The following SCP2 variants were observed in gnomAD, a reference collection of about 807,000 sequenced individuals.
SCP2 encodes the protein SCP-2/3-oxoacyl-CoA thiolase.
In SCP2, 48 loss-of-function variants were observed where a neutral mutation model predicts 71.4. That is an observed-to-expected ratio of 0.67 (90% CI 0.53 to 0.86). SCP2 has a LOEUF of 0.86. SCP2 is among the 40% of genes least tolerant of loss of function. The probability of loss-of-function intolerance (pLI) is 0.00; values close to 1 mark genes in which losing one functional copy is unlikely to be tolerated. For synonymous variants in SCP2, 220 were observed against 218.1 expected (o/e 1.01, Z -0.08); for missense variants, 560 against 655.6 (o/e 0.85, Z 1.59).
chr1:52,987,846 A>G (rs1000867148), intron 10 of SCP2, among the ~76,000 whole-genome samples, 183 bp from the exon 11 acceptor site: 23 of 152,280 alleles, frequency 1.5e-4, no homozygotes, highest in Middle Eastern at 6.8e-3. Context: ...TTCATACAGG[A>G]AATGTTCTGA....
chr1:52,948,794 A>T (rs1412550495), intron 3 of SCP2, among the ~76,000 whole-genome samples: 1 of 152,144 alleles, frequency 6.6e-6, no homozygotes, highest in Non-Finnish European at 1.5e-5. Context: ...AAGATGATTT[A>T]TGTATATATT....
At chr1:53,039,074 G>A (rs1663230730) in intron 14 of SCP2, 28 bp downstream of exon 14, 1 of 1,613,706 alleles carries the variant, frequency 6.2e-7, no homozygotes, top group Non-Finnish European at 8.5e-7. Flanking sequence ...TTCATTCTAG[G>A]AGCACTGACG....
intron 2 of SCP2, among the ~76,000 whole-genome samples, chr1:52,943,348 G>A (rs563057509): frequency 6.6e-6 from 1 of 151,806 alleles, no homozygotes; most frequent in African/African-American, 2.4e-5. Flanking sequence ...TCAGCCTCCT[G>A]AGTAGCTGGG....
chr1:53,018,525 T>C (rs1661498207), intron 12 of SCP2, among the ~76,000 whole-genome samples: 1 of 152,076 alleles, frequency 6.6e-6, no homozygotes, highest in Non-Finnish European at 1.5e-5. Context: ...GTGGATGGCT[T>C]GCGGTCAGGA....
chr1:52,995,982 GA>G, intron 11 of SCP2: 2 of 1,408,430 alleles, frequency 1.4e-6, no homozygotes, highest in Non-Finnish European at 1.9e-6. Context: ...TGCCACCACA[GA>G]AGAGGAGGAG....
intron 5 of SCP2, among the ~76,000 whole-genome samples, chr1:52,956,798 G>C (rs551396073): frequency 1.3e-5 from 2 of 151,672 alleles, no homozygotes; most frequent in Admixed American, 1.3e-4. Flanking sequence ...ACATATGCTG[G>C]TAACTTTTAT....
At chr1:53,044,175 A>T (rs1663628633) in intron 14 of SCP2, among the ~76,000 whole-genome samples, 1 of 151,890 alleles carries the variant, frequency 6.6e-6, no homozygotes, top group Non-Finnish European at 1.5e-5. Flanking sequence ...CTCCTGCCTC[A>T]GCCTGCCGAG....
chr1:52,987,136 C>T (rs72901316), intron 10 of SCP2, among the ~76,000 whole-genome samples: 46,827 of 151,244 alleles, frequency 0.31, 11,948 homozygotes, highest in African/African-American at 0.7. Flanking sequence ...GTCTCGAACT[C>T]CTGACCTCAG....
At chr1:52,972,915 G>C (rs1657619123) in intron 6 of SCP2, among the ~76,000 whole-genome samples, 1 of 152,206 alleles carries the variant, frequency 6.6e-6, no homozygotes, top group Non-Finnish European at 1.5e-5. Context: ...CACTGAGCTT[G>C]AGGTTTCTCA....
At chr1:52,978,830 G>T (rs1185198784) in intron 9 of SCP2, among the ~76,000 whole-genome samples, 2 of 152,164 alleles carry the variant, frequency 1.3e-5, no homozygotes, top group East Asian at 3.9e-4. Flanking sequence ...CCAAAATGCT[G>T]GGATTACAGG....
At chr1:52,935,955 T>C (rs1653703760) in intron 1 of SCP2, among the ~76,000 whole-genome samples, 1 of 151,860 alleles carries the variant, frequency 6.6e-6, no homozygotes, top group South Asian at 2.1e-4. Context: ...AAAAAGAATA[T>C]CCACAATTCC....
chr1:53,039,491 A>G (rs1381401116), intron 14 of SCP2, among the ~76,000 whole-genome samples: 1 of 152,176 alleles, frequency 6.6e-6, no homozygotes, highest in Non-Finnish European at 1.5e-5. Context: ...CACAATCGCC[A>G]GTTATTCTTA....
At chr1:52,966,346 T>G (rs1002954246) in intron 6 of SCP2, among the ~76,000 whole-genome samples, 1 of 152,040 alleles carries the variant, frequency 6.6e-6, no homozygotes, top group Non-Finnish European at 1.5e-5. Context: ...TTCCAGTATC[T>G]ATGGAGATAA....
chr1:52,958,295 A>G (rs992994608), intron 5 of SCP2, among the ~76,000 whole-genome samples: 2 of 151,508 alleles, frequency 1.3e-5, no homozygotes, highest in African/African-American at 4.9e-5. Flanking sequence ...CGGTGGCACA[A>G]TCTTGGCTCA....
Position 52,950,710 on chromosome 1 carries a change from C to G in SCP2, c.200-45C>G, listed in dbSNP as rs12041343. ...CATAATGTAGTATTATGTTGCATTG[C>G]AACTCCATAATTCTCCATATTAAAA... On this transcript the variant is annotated intron_variant, in intron 3 of 15. Transcript: ENST00000371514. 3.1e-4 allele frequency: 485 copies of G among 1,555,940 alleles called. 6 individuals carry two copies. In the East Asian group the frequency reaches 9.9e-3, roughly 32 times the overall value.
chr1:52,974,805 A>G lies in SCP2; in HGVS notation c.560A>G (p.Lys187Arg). The G allele has an allele frequency of 6.5e-7, 1 of 1,545,204 alleles. No individual in the cohort carries two copies. Among genetic ancestry groups the G allele is most frequent in the Non-Finnish European group, 9.0e-7 (1 of 1,117,212 alleles). ...GAACACTTTGCAAAAATTGGATGGA[A>G]AAATCATAAACATTCAGTTAATAAC... is the stretch of plus-strand genomic sequence containing the variant. The part of the protein sequence containing the change: ...KIEHFAKIGW[K>R]NHKHSVNNPY... The change falls in exon 7 of 16, where the codon AAA becomes AGA. Residue 187 changes from lysine to arginine, a missense_variant. This residue lies in a region of SCP2 where 513 missense variants were observed against 573.1 expected (regional missense o/e 0.90). Coordinates refer to ENST00000371514, the MANE Select transcript of SCP2 (RefSeq NM_002979.5).
At chr1:53,004,823 G>C (rs1320138400) in intron 11 of SCP2, among the ~76,000 whole-genome samples, 1 of 152,194 alleles carries the variant, frequency 6.6e-6, no homozygotes. Flanking sequence ...AGCAGGGCAG[G>C]GCATTGCCTC....
intron 8 of SCP2, among the ~76,000 whole-genome samples, chr1:52,977,176 G>A (rs1253862001): frequency 6.6e-6 from 1 of 152,188 alleles, no homozygotes; most frequent in East Asian, 1.9e-4. Context: ...CTCTAATGAT[G>A]ATAACAGTTG....
intron 3 of SCP2, among the ~76,000 whole-genome samples, chr1:52,950,148 G>A (rs967414219): frequency 6.6e-6 from 1 of 151,522 alleles, no homozygotes; most frequent in Non-Finnish European, 1.5e-5. Context: ...TTGAGACCGA[G>A]TCTCTCTCTG....
Sources: allele counts gnomAD v4.1 joint callset (sites outside exome capture counted in the v4.1 genomes callset), GRCh38; gene constraint gnomAD v4.1.1; regional missense constraint gnomAD v4.1.1; transcripts MANE v1.5; gene names NCBI Gene and HGNC (gene_info 2026-07-23, HGNC 2026-07-21).